ZNF804A: variants seen among roughly 807,000 people sequenced by gnomAD.
ZNF804A encodes zinc finger protein 804A.
A neutral mutation model predicts 16.5 loss-of-function variants in ZNF804A; 2 were observed. The ratio of observed to expected loss-of-function variants is 0.12; its 90% CI spans 0.05 to 0.38. The LOEUF is 0.38. Ranked by LOEUF, ZNF804A falls within the 10% of genes least tolerant of loss-of-function variation. The probability of loss-of-function intolerance (pLI) is 0.99; values close to 1 mark genes in which losing one functional copy is unlikely to be tolerated. For missense variants in ZNF804A, 1,473 were observed against 1,390.7 expected, an observed-to-expected ratio of 1.06 and a Z score of -0.94; for synonymous variants, 534 against 489.6, an observed-to-expected ratio of 1.09 and a Z score of -1.20.
At chr2:184,819,805 C>T (rs560458387) in intron 1 of ZNF804A, among the ~76,000 whole-genome samples, 57 of 152,072 alleles carry the variant, frequency 3.7e-4, no homozygotes, top group South Asian at 8.3e-4. Context: ...TGCACATAAA[C>T]TAGAAAATCT....
chr2:184,728,667 A>G (rs776371588), intron 1 of ZNF804A, among the ~76,000 whole-genome samples: 3 of 151,950 alleles, frequency 2.0e-5, no homozygotes, highest in Non-Finnish European at 2.9e-5. Flanking sequence ...CACTTGTGAC[A>G]TTGGAAGAAG....
intron 1 of ZNF804A, among the ~76,000 whole-genome samples, chr2:184,663,463 C>A (rs1159925617): frequency 6.6e-6 from 1 of 152,054 alleles, no homozygotes; most frequent in African/African-American, 2.4e-5. Flanking sequence ...GGGGAGGGTG[C>A]CTCGGTGTGG....
At chr2:184,719,225 A>G (rs1387620586) in intron 1 of ZNF804A, among the ~76,000 whole-genome samples, 1 of 152,102 alleles carries the variant, frequency 6.6e-6, no homozygotes, top group African/African-American at 2.4e-5. Context: ...GCTGGGATGC[A>G]GGGCACCACA....
chr2:184,789,034 G>T (rs1473645198), intron 1 of ZNF804A, among the ~76,000 whole-genome samples: 2 of 151,972 alleles, frequency 1.3e-5, no homozygotes, highest in African/African-American at 2.4e-5. Context: ...TTTGTTGAAG[G>T]TTTTTAGCAT....
intron 1 of ZNF804A, among the ~76,000 whole-genome samples, chr2:184,704,035 G>A (rs1357335304): frequency 6.6e-6 from 1 of 151,972 alleles, no homozygotes; most frequent in Non-Finnish European, 1.5e-5. Flanking sequence ...AGAGTTGTAG[G>A]GGTACCACCA....
intron 1 of ZNF804A, among the ~76,000 whole-genome samples, chr2:184,800,240 C>G (rs1032023073): frequency 1.3e-5 from 2 of 151,758 alleles, no homozygotes; most frequent in African/African-American, 4.8e-5. Flanking sequence ...TTTTCATGTT[C>G]TTATTTTCTC....
chr2:184,865,703 T>C (rs1695868931), intron 1 of ZNF804A, among the ~76,000 whole-genome samples: 1 of 152,106 alleles, frequency 6.6e-6, no homozygotes, highest in Non-Finnish European at 1.5e-5. Context: ...CTGTCTTTAT[T>C]TACTGTGAGT....
chr2:184,707,611 A>G (rs902958630), intron 1 of ZNF804A, among the ~76,000 whole-genome samples: 3 of 152,132 alleles, frequency 2.0e-5, no homozygotes, highest in Non-Finnish European at 4.4e-5. Flanking sequence ...TGCTGCAAAG[A>G]ACACGATTTT....
chr2:184,776,617 G>A (rs1226582200), intron 1 of ZNF804A, among the ~76,000 whole-genome samples: 2 of 151,342 alleles, frequency 1.3e-5, no homozygotes, highest in African/African-American at 2.4e-5. Flanking sequence ...CATAAAAATA[G>A]TGAAAACCAC....
intron 1 of ZNF804A, among the ~76,000 whole-genome samples, chr2:184,702,957 T>C (rs958143342): frequency 1.3e-5 from 2 of 152,158 alleles, no homozygotes; most frequent in Admixed American, 1.3e-4. Context: ...TCAGTAAATA[T>C]TGTTTGAATA....
At chr2:184,617,429 G>T (rs1346909053) in intron 1 of ZNF804A, among the ~76,000 whole-genome samples, 1 of 151,826 alleles carries the variant, frequency 6.6e-6, no homozygotes, top group Non-Finnish European at 1.5e-5. Context: ...TAAACATCAT[G>T]TAATTTGAAA....
At chr2:184,673,166 A>AT (rs1472356498) in intron 1 of ZNF804A, among the ~76,000 whole-genome samples, 2 of 152,208 alleles carry the variant, frequency 1.3e-5, no homozygotes, top group African/African-American at 4.8e-5. Flanking sequence ...AAAGGGAGGG[A>AT]TGAAGATAAG....
At chr2:184,844,556 T>C (rs4275994) in intron 1 of ZNF804A, among the ~76,000 whole-genome samples, 5,960 of 152,090 alleles carry the variant, frequency 0.039, 378 homozygotes, top group African/African-American at 0.13. Flanking sequence ...TGATTTCTGA[T>C]GAGAAGTCTA....
At chr2:184,931,676 C>T (rs1685704905) in intron 2 of ZNF804A, among the ~76,000 whole-genome samples, 2 of 152,186 alleles carry the variant, frequency 1.3e-5, no homozygotes, top group Non-Finnish European at 2.9e-5. Flanking sequence ...TATTTTTCCC[C>T]AGTGTCTTGG....
At chr2:184,633,072 ACAGCT>A (rs1328643308) in intron 1 of ZNF804A, among the ~76,000 whole-genome samples, 1 of 152,144 alleles carries the variant, frequency 6.6e-6, no homozygotes, top group African/African-American at 2.4e-5. Flanking sequence ...TTTTTTATAA[ACAGCT>A]CTCTTGATTA....
In ZNF804A at chr2:184,758,982, A is replaced by G. The variant is rs80055568; in HGVS notation, c.112-107387A>G. Among the ~76,000 whole-genome samples the G allele has an allele frequency of 3.3e-3, 495 of 151,972 alleles. 4 individuals are homozygous for G. Among genetic ancestry groups the G allele is most frequent in the African/African-American group, 0.011 (473 of 41,520 alleles). ...TCAGGAGATACATACCTAGACACATACACACATTATTATGTATATGCAATA... is the reference window on the plus strand; with the variant it reads ...TCAGGAGATACATACCTAGACACATGCACACATTATTATGTATATGCAATA... On this transcript the variant is annotated intron_variant, in intron 1 of 3. Coordinates refer to ENST00000302277, the MANE Select transcript of ZNF804A (RefSeq NM_194250.2).
chr2:184,707,642 G>C (rs1332767510), intron 1 of ZNF804A, among the ~76,000 whole-genome samples: 1 of 152,118 alleles, frequency 6.6e-6, no homozygotes, highest in African/African-American at 2.4e-5. Flanking sequence ...TGGCTAAATA[G>C]TATTCCGTGG....
chr2:184,738,454 G>A (rs974882891), intron 1 of ZNF804A, among the ~76,000 whole-genome samples: 3 of 152,044 alleles, frequency 2.0e-5, no homozygotes, highest in African/African-American at 7.2e-5. Context: ...AGACTATGTT[G>A]ACATCAAATT....
At chr2:184,790,299 T>A (rs76199722) in intron 1 of ZNF804A, among the ~76,000 whole-genome samples, 5,302 of 151,874 alleles carry the variant, frequency 0.035, 304 homozygotes, top group African/African-American at 0.12. Context: ...TTTGCAAATA[T>A]GAGAATAATG....
Sources: allele counts gnomAD v4.1 joint callset (sites outside exome capture counted in the v4.1 genomes callset), GRCh38; gene constraint gnomAD v4.1.1; transcripts MANE v1.5; gene names NCBI Gene and HGNC (gene_info 2026-07-23, HGNC 2026-07-21).